GRM1: variants seen among roughly 807,000 people sequenced by gnomAD.
GRM1 encodes glutamate metabotropic receptor 1.
GRM1 carries 33 observed loss-of-function variants against 90.9 expected under a neutral mutation model. That is an observed-to-expected ratio of 0.36 (90% CI 0.28 to 0.49). The LOEUF is 0.49. Ranked by LOEUF, GRM1 falls within the 20% of genes least tolerant of loss-of-function variation. The pLI, the probability that GRM1 is intolerant of heterozygous loss-of-function variation, is 0.99. For synonymous variants in GRM1, 700 were observed against 613.2 expected (o/e 1.14, Z -2.09); for missense variants, 1,190 against 1,534.3 (o/e 0.78, Z 3.75).
chr6:146,168,909 T>C (rs374856215), intron 2 of GRM1, among the ~76,000 whole-genome samples: 1 of 152,154 alleles, frequency 6.6e-6, no homozygotes, highest in Non-Finnish European at 1.5e-5. Flanking sequence ...CATTTTATTA[T>C]GATAAGCCTT....
At chr6:146,393,527 G>C (rs1027394617) in intron 6 of GRM1, among the ~76,000 whole-genome samples, 1 of 152,086 alleles carries the variant, frequency 6.6e-6, no homozygotes, top group Non-Finnish European at 1.5e-5. Flanking sequence ...AAGCTCTTCA[G>C]TTTAATTAGA....
intron 2 of GRM1, among the ~76,000 whole-genome samples, chr6:146,292,535 C>T (rs989491264): frequency 9.2e-5 from 14 of 151,922 alleles, no homozygotes; most frequent in African/African-American, 3.4e-4. Flanking sequence ...CATCATTAGC[C>T]ATTACAAAAA....
intron 1 of GRM1, among the ~76,000 whole-genome samples, chr6:146,097,849 T>C (rs1256732203): frequency 1.3e-5 from 2 of 152,240 alleles, no homozygotes; most frequent in African/African-American, 4.8e-5. Flanking sequence ...AATTAAATAT[T>C]CCTACAGCAT....
intron 5 of GRM1, among the ~76,000 whole-genome samples, chr6:146,369,036 G>A (rs940903414): frequency 6.6e-6 from 1 of 151,876 alleles, no homozygotes; most frequent in African/African-American, 2.4e-5. Context: ...CATTATTGGT[G>A]TGTTCAGGCT....
intron 2 of GRM1, among the ~76,000 whole-genome samples, chr6:146,193,440 T>C (rs867865581): frequency 3.3e-5 from 5 of 151,990 alleles, no homozygotes; most frequent in Non-Finnish European, 5.9e-5. Context: ...GAGAGGGAGA[T>C]TAACACCTAG....
intron 1 of GRM1, among the ~76,000 whole-genome samples, chr6:146,112,580 A>G (rs1775599794): frequency 6.6e-6 from 1 of 152,168 alleles, no homozygotes; most frequent in South Asian, 2.1e-4. Context: ...TCCCTTGGTA[A>G]AGGTTTCTTC....
At chr6:146,140,164 C>CTTCCTTCCTTCCTTCTTTCCTGTCTACA (rs1776815153) in intron 1 of GRM1, among the ~76,000 whole-genome samples, 1 of 115,244 alleles carries the variant, frequency 8.7e-6, no homozygotes, top group African/African-American at 3.4e-5. Context: ...TTTCTCCTTC[C>CTTCCTTCCTTCCTTCTTTCCTGTCTACA]TTCCTTCCTT....
intron 5 of GRM1, among the ~76,000 whole-genome samples, chr6:146,364,739 CCTCT>C (rs147830116): frequency 2.0e-5 from 3 of 150,272 alleles, no homozygotes; most frequent in East Asian, 1.9e-4. Context: ...CCACATCACG[CCTCT>C]CTCTCTCTGT....
intron 1 of GRM1, among the ~76,000 whole-genome samples, chr6:146,063,250 C>T (rs1775732964): frequency 6.6e-6 from 1 of 152,190 alleles, no homozygotes; most frequent in African/African-American, 2.4e-5. Context: ...TGTGAATGAA[C>T]TAATTAGAAT....
At chr6:146,200,944 C>T (rs1779278714) in intron 2 of GRM1, among the ~76,000 whole-genome samples, 1 of 152,170 alleles carries the variant, frequency 6.6e-6, no homozygotes, top group Non-Finnish European at 1.5e-5. Context: ...TTGCTCTGCT[C>T]ATTTCTTGGC....
At chr6:146,366,056 G>A (rs942443654) in intron 5 of GRM1, among the ~76,000 whole-genome samples, 3 of 152,078 alleles carry the variant, frequency 2.0e-5, no homozygotes, top group African/African-American at 7.2e-5. Flanking sequence ...TCAAAGGTGG[G>A]GATAGTATGT....
At chr6:146,094,036 T>C (rs1022457990) in intron 1 of GRM1, among the ~76,000 whole-genome samples, 5 of 152,088 alleles carry the variant, frequency 3.3e-5, no homozygotes, top group African/African-American at 9.7e-5. Context: ...TTCTCTTTCG[T>C]TGATAGTGCT....
chr6:146,365,518 G>T (rs1273134248), intron 5 of GRM1: 1 of 152,214 alleles, frequency 6.6e-6, no homozygotes, highest in Non-Finnish European at 1.5e-5. Context: ...ACACAGCAAG[G>T]CTGACATGTC....
chr6:146,155,402 T>C (rs1777488395), intron 1 of GRM1, among the ~76,000 whole-genome samples: 1 of 152,214 alleles, frequency 6.6e-6, no homozygotes. Context: ...CGATATACCA[T>C]AGGTGTATAG....
intron 2 of GRM1, chr6:146,171,861 A>G (rs1163927725): frequency 8.1e-6 from 2 of 246,446 alleles, no homozygotes; most frequent in Admixed American, 4.0e-5. Context: ...GGATGACCTC[A>G]TTTCTATTGT....
chr6:146,086,898 A>G (rs1776564431), intron 1 of GRM1, among the ~76,000 whole-genome samples: 1 of 152,086 alleles, frequency 6.6e-6, no homozygotes, highest in Non-Finnish European at 1.5e-5. Context: ...CAGGGAGATA[A>G]ATGGCAGCAT....
chr6:146,121,082 T>G (rs1233654361), intron 1 of GRM1, among the ~76,000 whole-genome samples: 3 of 152,152 alleles, frequency 2.0e-5, no homozygotes, highest in African/African-American at 7.2e-5. Context: ...TTTTTTTGGT[T>G]GTTAAGCTAT....
intron 2 of GRM1, among the ~76,000 whole-genome samples, chr6:146,212,653 T>C (rs977322349): frequency 5.9e-5 from 9 of 152,160 alleles, no homozygotes; most frequent in Non-Finnish European, 1.0e-4. Context: ...AGTAATAGGA[T>C]TTTTAAAAAT....
At chr6:146,095,298 A>T (rs919070955) in intron 1 of GRM1, among the ~76,000 whole-genome samples, 3 of 152,156 alleles carry the variant, frequency 2.0e-5, no homozygotes, top group Non-Finnish European at 2.9e-5. Flanking sequence ...CCTTATGGTC[A>T]AATGGTGAGC....
Sources: gnomAD v4.1 joint callset for allele counts (sites outside exome capture counted in the v4.1 genomes callset) on GRCh38, gnomAD v4.1.1 for gene constraint, MANE v1.5 for transcripts, NCBI Gene and HGNC (gene_info 2026-07-23, HGNC 2026-07-21) for gene names.